The following UACA variants were observed in gnomAD, a reference collection of about 807,000 sequenced individuals.
UACA encodes the protein uveal autoantigen with coiled-coil domains and ankyrin repeats, also known as nuclear membrane binding protein.
UACA carries 112 observed loss-of-function variants against 160.5 expected under a neutral mutation model. The ratio of observed to expected loss-of-function variants is 0.70; its 90% CI spans 0.60 to 0.82. The LOEUF (loss-of-function observed/expected upper bound fraction) is 0.82, where lower values mean the gene tolerates loss of function less well. UACA is among the 40% of genes least tolerant of loss of function. The pLI is 0.00. For synonymous variants in UACA, 557 were observed against 568.4 expected, an observed-to-expected ratio of 0.98 and a Z score of 0.29; for missense variants, 1,574 against 1,614.6, an observed-to-expected ratio of 0.97 and a Z score of 0.43.
chr15:70,773,591 CA>C, the UACA span, among the ~76,000 whole-genome samples: 1 of 152,010 alleles, frequency 6.6e-6, no homozygotes, highest in South Asian at 2.1e-4. Flanking sequence ...ATGTCATCCG[CA>C]GTAACAGGAT....
intron 1 of UACA, among the ~76,000 whole-genome samples, chr15:70,745,553 T>G (rs574612608): frequency 3.0e-4 from 46 of 152,072 alleles, no homozygotes; most frequent in South Asian, 2.5e-3. Flanking sequence ...AATTTACAGA[T>G]TCAATGCTAG....
intron 1 of UACA, among the ~76,000 whole-genome samples, chr15:70,710,817 A>C (rs1898661969): frequency 6.6e-6 from 1 of 152,198 alleles, no homozygotes; most frequent in Admixed American, 6.5e-5. Flanking sequence ...AGGTGCCTCC[A>C]CATGTTCAGC....
chr15:70,681,371 TA>T lies in UACA; in HGVS notation c.822+1386del, dbSNP rs534532667. Among the ~76,000 whole-genome samples the T allele has an allele frequency of 8.6e-4, 125 of 145,082 alleles. 1 individual carries two copies. The highest frequency in any genetic ancestry group is 3.5e-3 in the Middle Eastern group (1 of 288). ...ACAGAGATTACATGTGCCTTAGTATTAAAAAAAAAAAGTCCTATTTACAGCG... is the reference window on the plus strand; with the variant it reads ...ACAGAGATTACATGTGCCTTAGTATTAAAAAAAAAAGTCCTATTTACAGCG... On this transcript the variant is annotated intron_variant, in intron 9 of 18. Coordinates refer to ENST00000322954, the MANE Select transcript of UACA (RefSeq NM_018003.4).
At chr15:70,721,220 C>T (rs1480364949) in intron 1 of UACA, among the ~76,000 whole-genome samples, 2 of 152,194 alleles carry the variant, frequency 1.3e-5, no homozygotes, top group African/African-American at 4.8e-5. Context: ...AGGTAAAGAA[C>T]ACCCATTCCC....
At chr15:70,718,309 GGA>G (rs367584436) in intron 1 of UACA, among the ~76,000 whole-genome samples, 1 of 115,388 alleles carries the variant, frequency 8.7e-6, no homozygotes, top group Non-Finnish European at 1.8e-5. Flanking sequence ...AGAGGGAGAG[GGA>G]GAGAGAGAGA....
In UACA at chr15:70,668,886, T is replaced by A. The variant is rs372319891; in HGVS notation, c.1798A>T (p.Met600Leu). 1.4e-5 allele frequency: 22 copies of A among 1,613,666 alleles called. No individual in the cohort carries two copies. Among genetic ancestry groups the A allele is most frequent in the East Asian group, 2.2e-5 (1 of 44,884 alleles). Reference sequence around the variant, plus strand: ...TTTCTTCCTTTCTTCTCTCGCTCCATTTCACACATACTAAGTTCCTTCTGT... The same window carrying A: ...TTTCTTCCTTTCTTCTCTCGCTCCAATTCACACATACTAAGTTCCTTCTGT... Reference protein sequence around the residue: ...RLQKELSMCEMEREKKGRKVT... With the variant: ...RLQKELSMCELEREKKGRKVT... Residue 600 changes from methionine (M) to leucine (L), a missense_variant, in exon 16 of 19, where the codon ATG (methionine) becomes TTG (leucine). Physicochemically the swap from Met to Leu is conservative, Grantham distance 15 (BLOSUM62 2). Transcript: ENST00000322954.
chr15:70,723,138 T>C (rs530882715), intron 1 of UACA, among the ~76,000 whole-genome samples: 1 of 152,284 alleles, frequency 6.6e-6, no homozygotes, highest in Admixed American at 6.5e-5. Flanking sequence ...AACCACTTCA[T>C]TTGTTATTAG....
rs77132888 is a variant in UACA at position 70,759,267 on chromosome 15, C to G, written c.78+4063G>C. 2.0e-5 allele frequency among the ~76,000 whole-genome samples: 3 copies of G among 152,250 alleles called. No homozygotes were observed. The East Asian group carries it at 5.8e-4, about 29-fold the overall frequency. ...AAGCATATTCTCACTATACATATAACTGAACACACAATTAACCAGATCTGG... is the reference window on the plus strand; with the variant it reads ...AAGCATATTCTCACTATACATATAAGTGAACACACAATTAACCAGATCTGG... On this transcript the variant is annotated intron_variant, in intron 1 of 18. Coordinates refer to ENST00000322954, the MANE Select transcript of UACA (RefSeq NM_018003.4).
At chr15:70,723,634 C>CTT (rs71845744) in intron 1 of UACA, among the ~76,000 whole-genome samples, 13 of 138,990 alleles carry the variant, frequency 9.4e-5, no homozygotes, top group Non-Finnish European at 1.2e-4. Flanking sequence ...CAACTTTTTC[C>CTT]TTTTTTTTTT....
intron 1 of UACA, among the ~76,000 whole-genome samples, chr15:70,756,248 C>T (rs548407245): frequency 6.6e-6 from 1 of 151,856 alleles, no homozygotes; most frequent in South Asian, 2.1e-4. Flanking sequence ...CTCACTGCAA[C>T]CTCCGCCTCC....
chr15:70,671,151 C>G (rs779260735), intron 14 of UACA, 60 bp from the exon 15 acceptor site: 4 of 1,190,482 alleles, frequency 3.4e-6, no homozygotes, highest in Non-Finnish European at 4.9e-6. Flanking sequence ...GTAGGCTAAA[C>G]ATTAATTTGA....
chr15:70,763,257 C>T (rs2030886479), intron 1 of UACA, 73 bp downstream of exon 1: 1 of 1,275,258 alleles, frequency 7.8e-7, no homozygotes, highest in Non-Finnish European at 1.0e-6. Context: ...AGGCGGCGCG[C>T]GAACTCGCCA....
At chr15:70,710,420 C>T (rs545729801) in intron 1 of UACA, among the ~76,000 whole-genome samples, 3 of 152,130 alleles carry the variant, frequency 2.0e-5, no homozygotes, top group Non-Finnish European at 4.4e-5. Context: ...GAGAGGTTTT[C>T]CCCACTTACA....
chr15:70,722,371 G>A (rs1186382320), intron 1 of UACA, among the ~76,000 whole-genome samples: 3 of 151,558 alleles, frequency 2.0e-5, no homozygotes, highest in African/African-American at 7.3e-5. Context: ...AGTCTGGAGT[G>A]CTATGGCACC....
intron 13 of UACA, among the ~76,000 whole-genome samples, chr15:70,673,282 A>G (rs1801321715): frequency 1.3e-5 from 2 of 152,108 alleles, no homozygotes; most frequent in Admixed American, 1.3e-4. Flanking sequence ...CTCAAAAACA[A>G]AACAAAACAA....
Position 70,668,716 on chromosome 15 carries a change from T to C in UACA, c.1968A>G (p.Glu656=), listed in dbSNP as rs1182318688. 1 of 1,613,926 alleles carries C rather than the reference T, an allele frequency of 6.2e-7. No individual in the cohort carries two copies. Among genetic ancestry groups the C allele is most frequent in the East Asian group, 2.2e-5 (1 of 44,866 alleles). Residue 656 remains glutamate, a synonymous_variant, in exon 16 of 19, where the codon GAA becomes GAG. Coordinates refer to ENST00000322954, the MANE Select transcript of UACA (RefSeq NM_018003.4). ...TAATTTCACTAAGTGATTTTTCATG[T>C]TCTCTTTCCATTTCTACTAATTTTT... The part of the protein sequence containing the change: ...KAKKLVEMER[E]HEKSLSEIRQ...
chr15:70,664,688 C>G lies in UACA; in HGVS notation c.4087G>C (p.Val1363Leu), dbSNP rs752153370. Residue 1363 changes from valine (V) to leucine (L), a missense_variant, in exon 17 of 19, where the codon GTG (valine) becomes CTG (leucine). Coordinates refer to ENST00000322954, the MANE Select transcript of UACA (RefSeq NM_018003.4). Reference sequence around the variant, plus strand: ...GCCAGCTGTTGCTCCAGAGATTTCACTTGGTGCTGCAGAGTGTCAATCAGC... The same window carrying G: ...GCCAGCTGTTGCTCCAGAGATTTCAGTTGGTGCTGCAGAGTGTCAATCAGC... ...SQLIDTLQHQ[V>L]KSLEQQLADA... is the part of the protein sequence containing the mutation. 8 of 1,611,412 alleles carry G rather than the reference C, an allele frequency of 5.0e-6. No individual in the cohort carries two copies. The highest frequency in any genetic ancestry group is 6.8e-6 in the Non-Finnish European group (8 of 1,178,936).
chr15:70,744,528 C>T (rs1424873472), intron 1 of UACA, among the ~76,000 whole-genome samples: 1 of 152,108 alleles, frequency 6.6e-6, no homozygotes, highest in Non-Finnish European at 1.5e-5. Context: ...GAGAAGAGAA[C>T]TATTTCTAAA....
At position 70,736,493 on chromosome 15, in the gene UACA, C is replaced by T. The variant is rs551281599; in HGVS notation, c.78+26837G>A. Among the ~76,000 whole-genome samples, 5 of 152,120 alleles carry T rather than the reference C, an allele frequency of 3.3e-5. No homozygotes were observed. In the South Asian group the frequency reaches 8.3e-4, roughly 25 times the overall value. ...TCTGCCGCCCAGGCTAGAGTACAGC[C>T]GCACGATCTTGGCTCACTCTAACCT... On this transcript the variant is annotated intron_variant, in intron 1 of 18. Transcript: ENST00000322954.
Sources: allele counts gnomAD v4.1 joint callset (sites outside exome capture counted in the v4.1 genomes callset), GRCh38; gene constraint gnomAD v4.1.1; transcripts MANE v1.5; gene names NCBI Gene and HGNC (gene_info 2026-07-23, HGNC 2026-07-21).